The following NFIB variants were observed in gnomAD, a reference collection of about 807,000 sequenced individuals.
NFIB encodes nuclear factor 1 B-type.
Under a neutral mutation model 61.5 loss-of-function variants are expected in NFIB, and 11 were observed. The observed-to-expected ratio is 0.18, with a 90% CI of 0.11 to 0.30. The LOEUF (loss-of-function observed/expected upper bound fraction) is 0.30, where lower values mean the gene tolerates loss of function less well. NFIB is among the 10% of genes least tolerant of loss of function. The pLI is 1.00. For synonymous variants in NFIB, 260 were observed against 216.5 expected (o/e 1.20, Z -1.76); for missense variants, 471 against 608.9 (o/e 0.77, Z 2.38).
At chr9:14,145,195 C>G (rs2042154880) in intron 6 of NFIB, among the ~76,000 whole-genome samples, 1 of 151,962 alleles carries the variant, frequency 6.6e-6, no homozygotes, top group South Asian at 2.1e-4. Flanking sequence ...TGACCCTTGC[C>G]ATCTCTATTA....
chr9:14,112,139 GT>G (rs2119019049), intron 10 of NFIB, among the ~76,000 whole-genome samples: 1 of 152,286 alleles, frequency 6.6e-6, no homozygotes, highest in South Asian at 2.1e-4. Flanking sequence ...TTTCCCCTAT[GT>G]AATATTTTGC....
At position 14,164,120 on chromosome 9, in the gene NFIB, G is replaced by C. The variant is rs780107612; in HGVS notation, c.617-8227C>G. 1.0e-3 allele frequency among the ~76,000 whole-genome samples: 155 copies of C among 151,634 alleles called. 2 individuals carry two copies. The highest frequency in any genetic ancestry group is 1.2e-3 in the Non-Finnish European group (83 of 67,784). ...CTGAAATTAACAGAATAGAAAAAAA[G>C]AAATATTTAAAAAAATAAATAAAAC... On this transcript the variant is annotated intron_variant, in intron 3 of 10. Transcript: ENST00000380953.
At chr9:14,458,707 T>G in the NFIB span, among the ~76,000 whole-genome samples, 1 of 152,130 alleles carries the variant, frequency 6.6e-6, no homozygotes, top group Non-Finnish European at 1.5e-5. Context: ...ATCACAAGCA[T>G]TCTTATACAC....
At chr9:14,115,834 C>T (rs2038047437) in intron 9 of NFIB, among the ~76,000 whole-genome samples, 3 of 152,294 alleles carry the variant, frequency 2.0e-5, no homozygotes. Flanking sequence ...CAATAAGTAC[C>T]AATTACCTAA....
At chr9:14,375,215 C>T (rs1033724955) in intron 1 of NFIB, among the ~76,000 whole-genome samples, 2 of 152,210 alleles carry the variant, frequency 1.3e-5, no homozygotes, top group Non-Finnish European at 2.9e-5. Context: ...GCCCTAGGCT[C>T]TTTCTATCTC....
intron 1 of NFIB, among the ~76,000 whole-genome samples, chr9:14,394,245 G>C (rs1421292011): frequency 6.6e-6 from 1 of 152,136 alleles, no homozygotes; most frequent in African/African-American, 2.4e-5. Flanking sequence ...GATAACATAG[G>C]ACAGACACTC....
chr9:14,322,371 G>A (rs1357569188), intron 1 of NFIB: 2 of 240,006 alleles, frequency 8.3e-6, no homozygotes, highest in African/African-American at 4.4e-5. Context: ...TTGTTTTAGC[G>A]GGGCTGCTCC....
At chr9:14,314,857 A>AC (rs2060467336), upstream of NFIB, among the ~76,000 whole-genome samples, 1 of 136,296 alleles carries the variant, frequency 7.3e-6, no homozygotes, top group Admixed American at 7.3e-5. Context: ...ACACATACAC[A>AC]CCCCCGAAAA....
At chr9:14,415,376 C>T in the NFIB span, among the ~76,000 whole-genome samples, 3 of 152,250 alleles carry the variant, frequency 2.0e-5, no homozygotes, top group African/African-American at 7.2e-5. Context: ...ATGACTTATA[C>T]CATATACTAT....
intron 10 of NFIB, among the ~76,000 whole-genome samples, chr9:14,092,923 C>T (rs978736702): frequency 6.6e-6 from 1 of 152,036 alleles, no homozygotes; most frequent in Non-Finnish European, 1.5e-5. Flanking sequence ...AAGAGCTATA[C>T]CTTTCAGTGA....
intron 6 of NFIB, among the ~76,000 whole-genome samples, chr9:14,145,691 C>T (rs2042204161): frequency 6.7e-6 from 1 of 148,808 alleles, no homozygotes; most frequent in East Asian, 2.0e-4. Context: ...CACTCTGTTA[C>T]CCAGGCTAGA....
At chr9:14,365,867 A>G (rs1285002749) in intron 1 of NFIB, among the ~76,000 whole-genome samples, 1 of 152,138 alleles carries the variant, frequency 6.6e-6, no homozygotes, top group Non-Finnish European at 1.5e-5. Flanking sequence ...GTAAGAGCAA[A>G]ACCTCCCAAA....
At chr9:14,243,046 C>G (rs374109163) in intron 2 of NFIB, among the ~76,000 whole-genome samples, 13 of 152,210 alleles carry the variant, frequency 8.5e-5, no homozygotes, top group African/African-American at 3.1e-4. Flanking sequence ...TACAGTATGT[C>G]GGTAAGGAAA....
At chr9:14,235,950 TCAATGCCTGATATTGCATTATTTCCTAA>T (rs1291951041) in intron 2 of NFIB, among the ~76,000 whole-genome samples, 2 of 152,196 alleles carry the variant, frequency 1.3e-5, no homozygotes, top group African/African-American at 4.8e-5. Flanking sequence ...CAATAAAGAA[TCAATGCCTGATATTGCATTATTTCCTAA>T]AAGCAGATTT....
intron 1 of NFIB, among the ~76,000 whole-genome samples, chr9:14,342,461 A>G (rs1251157598): frequency 6.6e-6 from 1 of 151,982 alleles, no homozygotes; most frequent in African/African-American, 2.4e-5. Flanking sequence ...GGAGGCAGGG[A>G]GGAGGGAAGG....
At chr9:14,463,502 T>G in the NFIB span, among the ~76,000 whole-genome samples, 1 of 152,070 alleles carries the variant, frequency 6.6e-6, no homozygotes, top group East Asian at 1.9e-4. Flanking sequence ...AATGTCAGGA[T>G]GGTGATGTTG....
intron 10 of NFIB, chr9:14,093,414 AT>A (rs903955686): frequency 6.6e-6 from 1 of 152,134 alleles, no homozygotes; most frequent in African/African-American, 2.4e-5. Context: ...AGCTTAAAAA[AT>A]ATTACAGGAA....
At chr9:14,467,650 C>T in the NFIB span, among the ~76,000 whole-genome samples, 13 of 152,116 alleles carry the variant, frequency 8.5e-5, no homozygotes, top group East Asian at 2.1e-3. Context: ...TATTGATTTA[C>T]TCATTTAATA....
chr9:14,165,217 C>T (rs922407481), intron 3 of NFIB, among the ~76,000 whole-genome samples: 1 of 152,112 alleles, frequency 6.6e-6, no homozygotes, highest in Non-Finnish European at 1.5e-5. Context: ...ATGTTATTTA[C>T]ACTCTCCCAG....
Sources: allele counts gnomAD v4.1 joint callset (sites outside exome capture counted in the v4.1 genomes callset), GRCh38; gene constraint gnomAD v4.1.1; transcripts MANE v1.5; gene names NCBI Gene and HGNC (gene_info 2026-07-23, HGNC 2026-07-21).